Variants in YLPM1 observed in about 807,000 individuals in gnomAD.
YLPM1 encodes YLP motif containing 1.
YLPM1 carries 99 observed loss-of-function variants against 230.0 expected under a neutral mutation model. The observed-to-expected ratio is 0.43, with a 90% CI of 0.37 to 0.51. The LOEUF (loss-of-function observed/expected upper bound fraction) is 0.51. YLPM1 is among the 20% of genes least tolerant of loss of function. The pLI is 0.00. For missense variants in YLPM1, 2,592 were observed against 2,707.7 expected (o/e 0.96, Z 0.95); for synonymous variants, 984 against 942.5 (o/e 1.04, Z -0.81).
intron 1 of YLPM1, among the ~76,000 whole-genome samples, chr14:74,774,843 C>T (rs1215023544): frequency 1.3e-5 from 2 of 152,134 alleles, no homozygotes; most frequent in South Asian, 2.1e-4. Flanking sequence ...TGCACCTGGC[C>T]GAGGATTGAT....
At chr14:74,818,387 A>C in intron 16 of YLPM1, 73 bp downstream of exon 16, 1 of 1,304,134 alleles carries the variant, frequency 7.7e-7, no homozygotes, top group South Asian at 1.5e-5. Flanking sequence ...AAAAACTTAA[A>C]ACCTACAGAA....
rs764319256 is a variant in YLPM1 at position 74,799,526 on chromosome 14, T to G, written c.4229T>G (p.Val1410Gly). 7 of 1,613,952 alleles carry G rather than the reference T, an allele frequency of 4.3e-6. No homozygotes were observed. Among genetic ancestry groups the G allele is most frequent in the Non-Finnish European group, 5.9e-6 (7 of 1,179,888 alleles). Reference sequence around the variant, plus strand: ...TCAGACAGATGGTACCCATCTGATGTGGATAGACATTCCCCCATGGCGGAA... The same window carrying G: ...TCAGACAGATGGTACCCATCTGATGGGGATAGACATTCCCCCATGGCGGAA... ...RLSDRWYPSD[V>G]DRHSPMAEHM... Residue 1410 changes from valine to glycine, a missense_variant, in exon 5 of 21, where the codon GTG becomes GGG. Val to Gly is a moderately radical substitution (Grantham distance 109). Around this residue, in one of 4 missense-constraint regions of YLPM1, gnomAD observed 1,862 missense variants for 1,819.8 expected, o/e 1.02. Transcript: ENST00000325680.
chr14:74,789,554 T>A (rs1390185783), intron 4 of YLPM1, among the ~76,000 whole-genome samples: 1 of 151,982 alleles, frequency 6.6e-6, no homozygotes, highest in Non-Finnish European at 1.5e-5. Flanking sequence ...GGTAAATATT[T>A]GTAGGCCTTG....
chr14:74,769,675 G>C (rs572941326), intron 1 of YLPM1, among the ~76,000 whole-genome samples: 1 of 150,486 alleles, frequency 6.6e-6, no homozygotes, highest in Admixed American at 6.6e-5. Flanking sequence ...CACCTGCTAC[G>C]GCCTCCCAAA....
chr14:74,782,066 G>A lies in YLPM1; in HGVS notation c.2023G>A (p.Val675Met), dbSNP rs1224799566. 2 of 1,613,920 alleles carry A rather than the reference G, an allele frequency of 1.2e-6. No individual in the cohort carries two copies. The highest frequency in any genetic ancestry group is 1.1e-5 in the South Asian group (1 of 91,076). ...KPRPALLPTP[V>M]SFGSAPPTTY... is the part of the protein sequence containing the mutation. The stretch of plus-strand genomic sequence containing the variant: ...TAGACCAGCACTGCTTCCTACTCCT[G>A]TGTCTTTTGGTTCTGCCCCACCGAC... The change falls in exon 4 of 21, where the codon GTG (valine) becomes ATG (methionine). Residue 675 changes from valine (V) to methionine (M), a missense_variant. Coordinates refer to ENST00000325680, the MANE Select transcript of YLPM1 (RefSeq NM_019589.3).
At chr14:74,795,117 C>A (rs535563094) in intron 4 of YLPM1, among the ~76,000 whole-genome samples, 1 of 152,302 alleles carries the variant, frequency 6.6e-6, no homozygotes, top group South Asian at 2.1e-4. Flanking sequence ...GGATCTCTTG[C>A]ATTTCAGACA....
rs751763912 is a variant in YLPM1 at position 74,811,646 on chromosome 14, A to G, written c.5255A>G (p.Asp1752Gly). 5 of 1,611,938 alleles carry G rather than the reference A, an allele frequency of 3.1e-6. No homozygotes were observed. Among genetic ancestry groups the G allele is most frequent in the Non-Finnish European group, 4.2e-6 (5 of 1,179,396 alleles). ...DRAQSYRDKK[D>G]HSSSRRGGFD... ...GCTCAGTCATATCGAGACAAAAAAG[A>G]CCATTCCTCATCCAGAAGAGGGGGT... The change falls in exon 10 of 21, where the codon GAC becomes GGC. Residue 1752 changes from aspartate to glycine, a missense_variant. Asp to Gly is a moderately conservative substitution (Grantham distance 94, BLOSUM62 -1). Around this residue, in one of 4 missense-constraint regions of YLPM1, gnomAD observed 403 missense variants for 426.7 expected, o/e 0.94. Transcript: ENST00000325680.
intron 16 of YLPM1, among the ~76,000 whole-genome samples, chr14:74,819,295 G>A (rs942612735): frequency 1.0e-4 from 14 of 133,790 alleles, no homozygotes; most frequent in African/African-American, 4.0e-4. Context: ...TTTTTTTTGA[G>A]GTGGAGTCTC....
chr14:74,817,380 T>C (rs915804309), intron 15 of YLPM1, 103 bp downstream of exon 15: 75 of 1,063,920 alleles, frequency 7.0e-5, no homozygotes, highest in Non-Finnish European at 9.4e-5. Context: ...AAGATTATAA[T>C]GTATTTTTAT....
chr14:74,810,671 T>A (rs2091425530), intron 9 of YLPM1, among the ~76,000 whole-genome samples: 1 of 152,100 alleles, frequency 6.6e-6, no homozygotes, highest in African/African-American at 2.4e-5. Flanking sequence ...AAAGGTGCAG[T>A]CATACTCAGT....
chr14:74,788,809 G>A (rs142400330), intron 4 of YLPM1, among the ~76,000 whole-genome samples: 92 of 152,100 alleles, frequency 6.0e-4, no homozygotes, highest in African/African-American at 2.1e-3. Context: ...GCACTCCAAC[G>A]TAGGCAACAT....
chr14:74,764,314 ACAG>A lies in YLPM1; in HGVS notation c.831_833del (p.Gln278del). 1 of 1,613,684 alleles carries A rather than the reference ACAG, an allele frequency of 6.2e-7. No homozygotes were observed. Among genetic ancestry groups the A allele is most frequent in the Non-Finnish European group, 8.5e-7 (1 of 1,179,756 alleles). On this transcript the variant is annotated inframe_deletion, in exon 1 of 21. Transcript: ENST00000325680. ...GTGGGGCCAAAAACAAGAGTACTGA[ACAG>A]CAGCAAGCCGCCCCTGAGCCAGATC... is the stretch of plus-strand genomic sequence containing the variant.
At position 74,778,432 on chromosome 14, in the gene YLPM1, T is replaced by C. The variant is rs377034746; in HGVS notation, c.874-15T>C. The C allele has an allele frequency of 3.4e-5, 54 of 1,572,418 alleles. No individual in the cohort carries two copies. The East Asian group carries it at 4.1e-4, about 12-fold the overall frequency. On this transcript the variant is annotated splice_polypyrimidine_tract_variant and intron_variant, in intron 1 of 20. Transcript: ENST00000325680. Reference sequence around the variant, plus strand: ...GATTGTCAATCAAAATTCTCAAAAATTGTTTCTGTTGTAGGAACAGCAGCA... The same window carrying C: ...GATTGTCAATCAAAATTCTCAAAAACTGTTTCTGTTGTAGGAACAGCAGCA...
chr14:74,831,688 A>G (rs1278458740), intron 19 of YLPM1, among the ~76,000 whole-genome samples: 1 of 152,002 alleles, frequency 6.6e-6, no homozygotes, highest in Non-Finnish European at 1.5e-5. Context: ...ATAGTTTTTA[A>G]CTCTTGAACC....
intron 5 of YLPM1, among the ~76,000 whole-genome samples, chr14:74,801,813 T>C (rs1375547322): frequency 1.3e-5 from 2 of 152,256 alleles, no homozygotes; most frequent in African/African-American, 4.8e-5. Context: ...TTTGTAAATA[T>C]GACAGCTAAT....
chr14:74,811,734 T>G lies in YLPM1; in HGVS notation c.5343T>G (p.Phe1781Leu). 6.3e-7 allele frequency: 1 copy of G among 1,593,514 alleles called. No homozygotes were observed. The change falls in exon 10 of 21, where the codon TTT (phenylalanine) becomes TTG (leucine). Residue 1781 changes from phenylalanine to leucine, a missense_variant. Phe to Leu is a conservative substitution (Grantham distance 22). Transcript: ENST00000325680. ...CAGTCTATGAAGGACCATCCATGTT[T>G]GGAGGTAGAGTGATGCCTTATTAAC... ...DRPVYEGPSM[F>L]GGERRTYPEE...
At position 74,837,245 on chromosome 14, in the gene YLPM1, CTT is replaced by C. The variant is rs1421234160; in HGVS notation, c.*1509_*1510del. 1 of 152,108 alleles carries C rather than the reference CTT, an allele frequency of 6.6e-6. No individual in the cohort carries two copies. Among genetic ancestry groups the C allele is most frequent in the Admixed American group, 6.5e-5 (1 of 15,274 alleles). The allele number at this position is 152,108 out of a possible 1,614,324, so 9.4% of individuals were successfully genotyped here. ...AAAATCTGAATTTTTAAGCAAGTGA[CTT>C]TAAGTTCATTAAGTCAATATTGAAT... On this transcript the variant is annotated 3_prime_UTR_variant, in exon 21 of 21. Coordinates refer to ENST00000325680, the MANE Select transcript of YLPM1 (RefSeq NM_019589.3).
intron 9 of YLPM1, among the ~76,000 whole-genome samples, chr14:74,810,642 T>A (rs1037244315): frequency 6.6e-6 from 1 of 152,046 alleles, no homozygotes; most frequent in Non-Finnish European, 1.5e-5. Context: ...CAGAAGGGAA[T>A]GGAAATGGTA....
At chr14:74,776,720 T>A (rs2091044043) in intron 1 of YLPM1, among the ~76,000 whole-genome samples, 1 of 150,832 alleles carries the variant, frequency 6.6e-6, no homozygotes, top group Non-Finnish European at 1.5e-5. Context: ...GCTGTCCACA[T>A]GTTTGTGAAT....
Sources: allele counts gnomAD v4.1 joint callset (sites outside exome capture counted in the v4.1 genomes callset), GRCh38; gene constraint gnomAD v4.1.1; regional missense constraint gnomAD v4.1.1; transcripts MANE v1.5; gene names NCBI Gene and HGNC (gene_info 2026-07-23, HGNC 2026-07-21).